The following KIAA1958 variants were observed in gnomAD, a reference collection of about 807,000 sequenced individuals.
KIAA1958 encodes uncharacterized protein KIAA1958.
In KIAA1958, 14 loss-of-function variants were observed where a neutral mutation model predicts 47.2. The observed-to-expected ratio is 0.30, with a 90% CI of 0.20 to 0.46. KIAA1958 has a LOEUF of 0.46. Ranked by LOEUF, KIAA1958 falls within the 20% of genes least tolerant of loss-of-function variation. The pLI is 1.00. For missense variants in KIAA1958, 803 were observed against 909.2 expected (o/e 0.88, Z 1.50); for synonymous variants, 354 against 353.3 (o/e 1.00, Z -0.02).
At chr9:112,561,681 C>G (rs1006042182) in intron 1 of KIAA1958, among the ~76,000 whole-genome samples, 3 of 152,038 alleles carry the variant, frequency 2.0e-5, no homozygotes, top group Non-Finnish European at 2.9e-5. Context: ...ATAGTGGAAC[C>G]CTGTCTCTAC....
chr9:112,551,490 G>A (rs563237975), intron 1 of KIAA1958, among the ~76,000 whole-genome samples: 27 of 152,254 alleles, frequency 1.8e-4, no homozygotes, highest in Admixed American at 3.9e-4. Flanking sequence ...GCTTTAATTT[G>A]AAAACATAAA....
At chr9:112,490,724 C>T (rs1027237653) in intron 1 of KIAA1958, among the ~76,000 whole-genome samples, 2 of 152,102 alleles carry the variant, frequency 1.3e-5, no homozygotes, top group East Asian at 1.9e-4. Context: ...ATTATGCAGC[C>T]GTATTCAAGT....
At chr9:112,563,144 G>A (rs1333058737) in intron 1 of KIAA1958, among the ~76,000 whole-genome samples, 2 of 149,324 alleles carry the variant, frequency 1.3e-5, no homozygotes, top group African/African-American at 2.5e-5. Context: ...TGCCCAGGCT[G>A]GTCTTGAACT....
intron 2 of KIAA1958, among the ~76,000 whole-genome samples, chr9:112,629,892 G>C (rs539880268): frequency 6.6e-6 from 1 of 152,310 alleles, no homozygotes; most frequent in African/African-American, 2.4e-5. Flanking sequence ...CTGTATTTGG[G>C]CATGATGACC....
chr9:112,604,797 G>A (rs1836196526), intron 2 of KIAA1958, among the ~76,000 whole-genome samples: 1 of 151,716 alleles, frequency 6.6e-6, no homozygotes, highest in African/African-American at 2.4e-5. Context: ...GTGGATCTTT[G>A]CATTTAAAAT....
At chr9:112,489,432 G>A (rs1833923954) in intron 1 of KIAA1958, among the ~76,000 whole-genome samples, 1 of 151,650 alleles carries the variant, frequency 6.6e-6, no homozygotes, top group Non-Finnish European at 1.5e-5. Context: ...TCTTTATGTG[G>A]GCTGGCTGAA....
At chr9:112,655,333 C>T (rs1449583180) in intron 3 of KIAA1958, among the ~76,000 whole-genome samples, 3 of 152,108 alleles carry the variant, frequency 2.0e-5, no homozygotes, top group Admixed American at 6.5e-5. Flanking sequence ...AGGATAGGTT[C>T]GATGCCTCTC....
chr9:112,541,799 C>T (rs1175814616), intron 1 of KIAA1958, among the ~76,000 whole-genome samples: 3 of 151,218 alleles, frequency 2.0e-5, no homozygotes, highest in Admixed American at 1.3e-4. Flanking sequence ...AGTGAGCCTC[C>T]GTCTCAAAAA....
intron 2 of KIAA1958, among the ~76,000 whole-genome samples, chr9:112,605,786 T>C (rs1405081834): frequency 1.3e-5 from 2 of 152,332 alleles, no homozygotes; most frequent in Middle Eastern, 3.4e-3. Context: ...CTCCTTCTGC[T>C]CTTTGCGTGA....
At chr9:112,579,931 C>T (rs1349420009) in intron 2 of KIAA1958, among the ~76,000 whole-genome samples, 2 of 152,226 alleles carry the variant, frequency 1.3e-5, no homozygotes, top group African/African-American at 2.4e-5. Flanking sequence ...CAGGCTCAGA[C>T]AGCATCAAGT....
chr9:112,572,354 G>T (rs1023976180), intron 1 of KIAA1958, among the ~76,000 whole-genome samples: 1 of 151,928 alleles, frequency 6.6e-6, no homozygotes, highest in Non-Finnish European at 1.5e-5. Flanking sequence ...ATTCGACAAC[G>T]ACTGCATACT....
intron 1 of KIAA1958, among the ~76,000 whole-genome samples, chr9:112,573,012 C>T (rs1835565827): frequency 6.6e-6 from 1 of 152,118 alleles, no homozygotes; most frequent in South Asian, 2.1e-4. Flanking sequence ...GACAAAATCA[C>T]ACATAAAGAT....
intron 1 of KIAA1958, among the ~76,000 whole-genome samples, chr9:112,570,895 C>T (rs1306805083): frequency 6.6e-6 from 1 of 152,250 alleles, no homozygotes. Context: ...AATGATGTGA[C>T]TCTCAGCCTG....
chr9:112,562,358 T>C (rs1207598167), intron 1 of KIAA1958, among the ~76,000 whole-genome samples: 1 of 152,174 alleles, frequency 6.6e-6, no homozygotes, highest in Admixed American at 6.5e-5. Context: ...CAAGGTCACA[T>C]AGCTAGCAAG....
chr9:112,554,507 T>TAAG (rs1482241080), intron 1 of KIAA1958, among the ~76,000 whole-genome samples: 4 of 151,040 alleles, frequency 2.6e-5, no homozygotes, highest in Admixed American at 6.6e-5. Context: ...ATCTCAATAA[T>TAAG]AATAATAATA....
intron 2 of KIAA1958, among the ~76,000 whole-genome samples, chr9:112,580,481 C>T (rs944939908): frequency 3.9e-5 from 6 of 152,058 alleles, no homozygotes; most frequent in African/African-American, 1.4e-4. Context: ...ATATATGCCT[C>T]TTCTTACAAG....
intron 1 of KIAA1958, among the ~76,000 whole-genome samples, chr9:112,567,959 C>CAAAAAAA (rs35931681): frequency 1.7e-4 from 11 of 66,170 alleles, no homozygotes; most frequent in African/African-American, 5.1e-4. Flanking sequence ...GAATCCATCT[C>CAAAAAAA]AAAAAAAAAA....
chr9:112,605,498 G>A (rs191314564), intron 2 of KIAA1958, among the ~76,000 whole-genome samples: 24 of 152,278 alleles, frequency 1.6e-4, no homozygotes, highest in African/African-American at 5.3e-4. Context: ...CTTACACAAA[G>A]CAGAGTTTAT....
chr9:112,558,424 A>G (rs563221254), intron 1 of KIAA1958, among the ~76,000 whole-genome samples: 1 of 152,186 alleles, frequency 6.6e-6, no homozygotes, highest in Admixed American at 6.5e-5. Flanking sequence ...GTGCTTTTGC[A>G]AAGGGACCAT....
Sources: allele counts gnomAD v4.1 joint callset (sites outside exome capture counted in the v4.1 genomes callset), GRCh38; gene constraint gnomAD v4.1.1; transcripts MANE v1.5; gene names NCBI Gene and HGNC (gene_info 2026-07-23, HGNC 2026-07-21).